The following LTBP4 variants were observed in gnomAD, a reference collection of about 807,000 sequenced individuals.
The protein encoded by LTBP4 is latent transforming growth factor beta binding protein 4.
In LTBP4, 93 loss-of-function variants were observed where a neutral mutation model predicts 180.2. The observed-to-expected ratio is 0.52, with a 90% CI of 0.44 to 0.61. LTBP4 has a LOEUF of 0.61. LTBP4 is among the 20% of genes least tolerant of loss of function. The pLI, the probability that LTBP4 is intolerant of heterozygous loss-of-function variation, is 0.00. For synonymous variants in LTBP4, 947 were observed against 934.5 expected (o/e 1.01, Z -0.24); for missense variants, 2,116 against 2,256.5 (o/e 0.94, Z 1.26).
At position 40,611,062 on chromosome 19, in the gene LTBP4, G is replaced by A; in HGVS notation, c.1811-90G>A. The A allele has an allele frequency of 6.5e-7, 1 of 1,547,940 alleles. No homozygotes were observed. Among genetic ancestry groups the A allele is most frequent in the Non-Finnish European group, 8.9e-7 (1 of 1,129,042 alleles). On this transcript the variant is annotated intron_variant, in intron 12 of 29. Transcript: ENST00000396819. This position sits in a 1 kb window ranked among gnomAD's most constrained non-coding sequence, Gnocchi z 4.4. ...AGGAGGAATAGAGATGGGGTCACGGGGACAGAATGTTGGAGGGTGGAAAGC... is the reference window on the plus strand; with the variant it reads ...AGGAGGAATAGAGATGGGGTCACGGAGACAGAATGTTGGAGGGTGGAAAGC...
chr19:40,626,821 C>T (rs1466322147), intron 27 of LTBP4, among the ~76,000 whole-genome samples, 154 bp from the exon 28 acceptor site: 2 of 152,212 alleles, frequency 1.3e-5, no homozygotes, highest in Non-Finnish European at 2.9e-5. Context: ...ATCCCAGTCT[C>T]AGCCTTCAGA....
chr19:40,596,941 G>A (rs1421680541), upstream of LTBP4, among the ~76,000 whole-genome samples: 2 of 152,138 alleles, frequency 1.3e-5, no homozygotes, highest in Non-Finnish European at 2.9e-5. Context: ...TCTGTTCCAC[G>A]AGAAGGTTCA....
Position 40,611,190 on chromosome 19 carries a change from C to G in LTBP4, c.1849C>G (p.Arg617Gly), listed in dbSNP as rs761470112. ...CACCCAGAGCCCAGGCCTGTGTGGCCGAGGGGCCTGCAAGAACCTGCCTGG... is the reference window on the plus strand; with the variant it reads ...CACCCAGAGCCCAGGCCTGTGTGGCGGAGGGGCCTGCAAGAACCTGCCTGG... ...ECTQSPGLCG[R>G]GACKNLPGSF... The change falls in exon 13 of 30, where the codon CGA (arginine) becomes GGA (glycine). Residue 617 changes from arginine (R) to glycine (G), a missense_variant. By Grantham distance (125) the Arg-to-Gly change is moderately radical. Transcript: ENST00000396819. The surrounding 1 kb of genome is among the most constrained non-coding windows in gnomAD (Gnocchi z 4.4). The G allele has an allele frequency of 9.3e-6, 15 of 1,613,320 alleles. No homozygotes were observed. Among genetic ancestry groups the G allele is most frequent in the Non-Finnish European group, 1.2e-5 (14 of 1,179,762 alleles).
In LTBP4 at chr19:40,605,861, G is replaced by C. The variant is rs1243366617; in HGVS notation, c.793+30G>C. 9 of 1,529,224 alleles carry C rather than the reference G, an allele frequency of 5.9e-6. No homozygotes were observed. The highest frequency in any genetic ancestry group is 7.9e-6 in the Non-Finnish European group (9 of 1,142,264). 94.7% of individuals were successfully genotyped at this position (1,529,224 alleles called of 1,614,324 possible). ...GCCCCAGGACGTCCCCGAAGTGCTC[G>C]GAGCTGGGGAGTGGTGACAACCTCA... is the stretch of plus-strand genomic sequence containing the variant. On this transcript the variant is annotated intron_variant, in intron 4 of 29. Transcript: ENST00000396819. This position sits in a 1 kb window ranked among gnomAD's most constrained non-coding sequence, Gnocchi z 5.5.
chr19:40,606,324 G>T lies in LTBP4; in HGVS notation c.868+17G>T. The T allele has an allele frequency of 6.2e-7, 1 of 1,601,130 alleles. No individual in the cohort carries two copies. The highest frequency in any genetic ancestry group is 8.5e-7 in the Non-Finnish European group (1 of 1,174,084). ...CCTGCGAAGGTGCAACGGGGCAGGG[G>T]TGGGAGGGGCTTGGTTCTGGGGGCG... On this transcript the variant is annotated intron_variant, in intron 5 of 29. Transcript: ENST00000396819.
In LTBP4 at chr19:40,605,811, A is replaced by T; in HGVS notation, c.773A>T (p.Gln258Leu). The change falls in exon 4 of 30, where the codon CAG becomes CTG. Residue 258 changes from glutamine to leucine, a missense_variant. Physicochemically the swap from Gln to Leu is moderately radical, Grantham distance 113. Transcript: ENST00000396819. This position sits in a 1 kb window ranked among gnomAD's most constrained non-coding sequence, Gnocchi z 5.5. ...AGLAWGVHDC[Q>L]LCSERLGNSE... ...TTGGCCTGGGGCGTTCACGACTGTCAGCTGTGCTCCGAGCGCCTGGGTAAG... is the reference window on the plus strand; with the variant it reads ...TTGGCCTGGGGCGTTCACGACTGTCTGCTGTGCTCCGAGCGCCTGGGTAAG... The T allele has an allele frequency of 1.3e-6, 2 of 1,539,128 alleles. No homozygotes were observed. The highest frequency in any genetic ancestry group is 1.7e-6 in the Non-Finnish European group (2 of 1,146,722).
At chr19:40,620,399 A>G (rs977931891) in intron 22 of LTBP4, among the ~76,000 whole-genome samples, 3 of 151,688 alleles carry the variant, frequency 2.0e-5, no homozygotes, top group Middle Eastern at 3.4e-3. Flanking sequence ...TCACCACAAC[A>G]GCTAATTTTT....
Position 40,609,907 on chromosome 19 carries a change from C to CTGCTCT in LTBP4, c.1684+36_1684+37insTGCTCT. 6.7e-7 allele frequency: 1 copy of CTGCTCT among 1,493,826 alleles called. No individual in the cohort carries two copies. Among genetic ancestry groups the CTGCTCT allele is most frequent in the Non-Finnish European group, 8.9e-7 (1 of 1,119,986 alleles). The allele number at this position is 1,493,826 out of a possible 1,614,324, so 92.5% of individuals were successfully genotyped here. On this transcript the variant is annotated intron_variant, in intron 11 of 29. Coordinates refer to ENST00000396819, the MANE Select transcript of LTBP4 (RefSeq NM_001042545.2). This position sits in a 1 kb window ranked among gnomAD's most constrained non-coding sequence, Gnocchi z 4.9. ...TGCCCCACCCGGCTCCAGGCCCACC[C>CTGCTCT]CAGGGTCTCGCTCCTGCTCTCACTC...
In LTBP4 at chr19:40,617,197, G is replaced by A; in HGVS notation, c.3042G>A (p.Glu1014=). ...SFQCLCDQGY[E]GARDGRHCVD... ...AGTGCCTCTGTGACCAGGGTTACGA[G>A]GGGGCACGGGATGGGCGTCACTGCG... The change falls in exon 21 of 30, where the codon GAG becomes GAA. Residue 1014 remains glutamate (E), a synonymous_variant. Coordinates refer to ENST00000396819, the MANE Select transcript of LTBP4 (RefSeq NM_001042545.2). The A allele has an allele frequency of 2.5e-6, 4 of 1,613,826 alleles. No individual in the cohort carries two copies. Among genetic ancestry groups the A allele is most frequent in the Non-Finnish European group, 3.4e-6 (4 of 1,179,824 alleles).
upstream of LTBP4, chr19:40,597,492 G>T: frequency 1.6e-6 from 2 of 1,225,932 alleles, no homozygotes; most frequent in South Asian, 3.7e-5. Context: ...ATGTGGAGAT[G>T]CAAAGAGGGC....
intron 19 of LTBP4, among the ~76,000 whole-genome samples, chr19:40,616,244 T>C (rs1568409677): frequency 6.7e-6 from 1 of 148,896 alleles, no homozygotes; most frequent in Non-Finnish European, 1.5e-5. Context: ...CAGTGAGCCA[T>C]GATCCTGTCA....
Position 40,611,407 on chromosome 19 carries a change from A to G in LTBP4, c.2053+13A>G, listed in dbSNP as rs1284671681. ...GCCCCCTGCCAAGGTGAGGGTGCTGAGCCCAGCCCTACTCCATCACTGTTT... is the reference window on the plus strand; with the variant it reads ...GCCCCCTGCCAAGGTGAGGGTGCTGGGCCCAGCCCTACTCCATCACTGTTT... On this transcript the variant is annotated intron_variant, in intron 13 of 29. Coordinates refer to ENST00000396819, the MANE Select transcript of LTBP4 (RefSeq NM_001042545.2). This position sits in a 1 kb window ranked among gnomAD's most constrained non-coding sequence, Gnocchi z 4.4. 1 of 1,598,676 alleles carries G rather than the reference A, an allele frequency of 6.3e-7. No homozygotes were observed. The highest frequency in any genetic ancestry group is 2.2e-5 in the East Asian group (1 of 44,730).
At chr19:40,620,697 A>C (rs1016805123) in intron 22 of LTBP4, among the ~76,000 whole-genome samples, 1 of 147,642 alleles carries the variant, frequency 6.8e-6, no homozygotes, top group African/African-American at 2.5e-5. Context: ...AATCGCTTGA[A>C]TCCAGGAGGC....
rs369849704 is a variant in LTBP4 at position 40,611,900 on chromosome 19, G to A, written c.2095G>A (p.Gly699Ser). 41 of 1,609,260 alleles carry A rather than the reference G, an allele frequency of 2.5e-5. No individual in the cohort carries two copies. Among genetic ancestry groups the A allele is most frequent in the African/African-American group, 1.2e-4 (9 of 74,812 alleles). Residue 699 changes from glycine to serine, a missense_variant, in exon 14 of 30, where the codon GGC becomes AGC. Gly to Ser is a moderately conservative substitution (Grantham distance 56). Transcript: ENST00000396819. The surrounding 1 kb of genome is among the most constrained non-coding windows in gnomAD (Gnocchi z 4.4). The part of the protein sequence containing the change: ...CARSPPPCTY[G>S]RCENTEGSFQ... ...CCGAAGCCCCCCACCCTGCACCTAC[G>A]GCCGGTGTGAGAACACAGAAGGCAG...
At chr19:40,626,080 C>T in intron 27 of LTBP4, 71 bp downstream of exon 27, 1 of 1,475,422 alleles carries the variant, frequency 6.8e-7, no homozygotes, top group South Asian at 1.3e-5. Context: ...CCTCAGATCC[C>T]CAGTCGCAGA....
chr19:40,617,175 G>A lies in LTBP4; in HGVS notation c.3020G>A (p.Cys1007Tyr). ...CAGAACCTGCCCGGCTCCTTCCAGT[G>A]CCTCTGTGACCAGGGTTACGAGGGG... is the stretch of plus-strand genomic sequence containing the variant. ...VCQNLPGSFQ[C>Y]LCDQGYEGAR... Residue 1007 changes from cysteine to tyrosine, a missense_variant, in exon 21 of 30, where the codon TGC (cysteine) becomes TAC (tyrosine). Physicochemically the swap from Cys to Tyr is radical, Grantham distance 194 (BLOSUM62 -2). Transcript: ENST00000396819. 6.2e-7 allele frequency: 1 copy of A among 1,613,872 alleles called. No individual in the cohort carries two copies. The highest frequency in any genetic ancestry group is 8.5e-7 in the Non-Finnish European group (1 of 1,179,852).
chr19:40,606,174 C>A, intron 4 of LTBP4, 59 bp from the exon 5 acceptor site: 1 of 1,436,502 alleles, frequency 7.0e-7, no homozygotes, highest in Non-Finnish European at 9.6e-7. Flanking sequence ...TTCGTCTCTG[C>A]CCACTCCATT....
Position 40,601,517 on chromosome 19 carries a change from C to T in LTBP4, c.130C>T (p.Arg44Cys). ...VRFTPVVCGLRCVHGPTGSRC... is the reference protein window; with the variant it reads ...VRFTPVVCGLCCVHGPTGSRC... Reference sequence around the variant, plus strand: ...CTTCACCCCGGTCGTGTGCGGCCTGCGCTGCGTCCATGGGCCGACCGGCTC... The same window carrying T: ...CTTCACCCCGGTCGTGTGCGGCCTGTGCTGCGTCCATGGGCCGACCGGCTC... Residue 44 changes from arginine to cysteine, a missense_variant, in exon 1 of 30, where the codon CGC (arginine) becomes TGC (cysteine). Around this residue, in one of 5 missense-constraint regions of LTBP4, gnomAD observed 469 missense variants for 532.5 expected, o/e 0.88. Coordinates refer to ENST00000396819, the MANE Select transcript of LTBP4 (RefSeq NM_001042545.2). 1.3e-6 allele frequency: 2 copies of T among 1,499,504 alleles called. No homozygotes were observed. Among genetic ancestry groups the T allele is most frequent in the Non-Finnish European group, 1.8e-6 (2 of 1,131,304 alleles). 92.9% of individuals were successfully genotyped at this position (1,499,504 alleles called of 1,614,324 possible).
At chr19:40,615,228 C>CATCT (rs1006332589) in intron 19 of LTBP4, 4 of 139,556 alleles carry the variant, frequency 2.9e-5, no homozygotes. Context: ...TGTGAGTCCG[C>CATCT]ATCTTGTGGA....
Sources: allele counts gnomAD v4.1 joint callset (sites outside exome capture counted in the v4.1 genomes callset), GRCh38; gene constraint gnomAD v4.1.1; regional missense constraint gnomAD v4.1.1; non-coding constraint Gnocchi (gnomAD v3.1); transcripts MANE v1.5; gene names NCBI Gene and HGNC (gene_info 2026-07-23, HGNC 2026-07-21).